UNC13C: variants seen among roughly 807,000 people sequenced by gnomAD.
The protein encoded by UNC13C is protein unc-13 homolog C.
UNC13C carries 174 observed loss-of-function variants against 245.4 expected under a neutral mutation model. The observed-to-expected ratio is 0.71, with a 90% CI of 0.63 to 0.80. The LOEUF is 0.80. Ranked by LOEUF, UNC13C falls within the 30% of genes least tolerant of loss-of-function variation. The probability of loss-of-function intolerance (pLI) is 0.00; values close to 1 mark genes in which losing one functional copy is unlikely to be tolerated. For missense variants in UNC13C, 2,829 were observed against 2,602.9 expected (o/e 1.09, Z -1.89); for synonymous variants, 992 against 895.1 (o/e 1.11, Z -1.93).
At chr15:54,275,192 A>G (rs1326044584) in intron 10 of UNC13C, among the ~76,000 whole-genome samples, 1 of 152,196 alleles carries the variant, frequency 6.6e-6, no homozygotes, top group Non-Finnish European at 1.5e-5. Context: ...TAAGAAATAC[A>G]CTTTAAATAA....
chr15:54,077,085 C>T (rs934226832), intron 2 of UNC13C, among the ~76,000 whole-genome samples: 17 of 152,084 alleles, frequency 1.1e-4, no homozygotes, highest in African/African-American at 4.1e-4. Flanking sequence ...CTTTAGGCAA[C>T]AAGTCCAGGG....
the UNC13C span, among the ~76,000 whole-genome samples, chr15:53,888,169 A>G: frequency 6.6e-6 from 1 of 152,194 alleles, no homozygotes; most frequent in Admixed American, 6.5e-5. Flanking sequence ...CATTCCCACC[A>G]ACAGTGTAAA....
chr15:54,357,498 A>G (rs2039122535), intron 17 of UNC13C, among the ~76,000 whole-genome samples: 2 of 152,072 alleles, frequency 1.3e-5, no homozygotes, highest in Non-Finnish European at 2.9e-5. Flanking sequence ...TTCTAATATT[A>G]TTTGAAATTC....
chr15:54,577,769 GTCTCT>G (rs1444023446), intron 30 of UNC13C, among the ~76,000 whole-genome samples: 1 of 152,058 alleles, frequency 6.6e-6, no homozygotes, highest in Non-Finnish European at 1.5e-5. Context: ...CTCATAAAAA[GTCTCT>G]TCTCAAACCA....
chr15:54,086,332 A>G (rs1478526657), intron 2 of UNC13C, among the ~76,000 whole-genome samples: 1 of 152,206 alleles, frequency 6.6e-6, no homozygotes, highest in Non-Finnish European at 1.5e-5. Context: ...TGGGAATACT[A>G]TAGGACATTC....
the UNC13C span, among the ~76,000 whole-genome samples, chr15:53,843,269 G>A: frequency 3.3e-5 from 5 of 152,030 alleles, no homozygotes; most frequent in African/African-American, 1.2e-4. Flanking sequence ...GCAAAACCCT[G>A]TCTCTACCAA....
chr15:54,127,535 T>G (rs1458046842), intron 2 of UNC13C, among the ~76,000 whole-genome samples: 2 of 151,626 alleles, frequency 1.3e-5, no homozygotes, highest in Non-Finnish European at 2.9e-5. Flanking sequence ...GAGGGGAACA[T>G]CACACACTGG....
the UNC13C span, among the ~76,000 whole-genome samples, chr15:53,965,906 T>C: frequency 6.6e-6 from 1 of 152,196 alleles, no homozygotes; most frequent in Non-Finnish European, 1.5e-5. Flanking sequence ...TCATCACTTT[T>C]TATGGCTGCA....
chr15:54,415,122 T>C (rs1186274802), intron 19 of UNC13C, 55 bp downstream of exon 19: 6 of 1,298,562 alleles, frequency 4.6e-6, no homozygotes, highest in Non-Finnish European at 6.5e-6. Flanking sequence ...AATGGTGATA[T>C]TGTGTTCTTG....
intron 28 of UNC13C, among the ~76,000 whole-genome samples, chr15:54,554,287 G>A (rs1287770404): frequency 1.3e-5 from 2 of 151,884 alleles, no homozygotes; most frequent in South Asian, 2.1e-4. Flanking sequence ...AAAACAGTAA[G>A]ATAAAGGCCA....
chr15:54,290,543 C>A (rs2037269650), intron 10 of UNC13C, among the ~76,000 whole-genome samples: 1 of 151,988 alleles, frequency 6.6e-6, no homozygotes, highest in African/African-American at 2.4e-5. Context: ...TTATTTTGAA[C>A]AGAAATTTGG....
intron 10 of UNC13C, among the ~76,000 whole-genome samples, chr15:54,278,896 A>G (rs2036904344): frequency 6.6e-6 from 1 of 152,142 alleles, no homozygotes; most frequent in Admixed American, 6.5e-5. Context: ...AGAGCACAGT[A>G]TTTGTTATAC....
chr15:54,486,739 T>A (rs1261483952), intron 19 of UNC13C, among the ~76,000 whole-genome samples: 2 of 152,342 alleles, frequency 1.3e-5, no homozygotes, highest in South Asian at 2.1e-4. Flanking sequence ...GTCTCTTTTT[T>A]AAAAATACCC....
chr15:54,613,566 G>A (rs546194816), intron 30 of UNC13C, among the ~76,000 whole-genome samples: 10 of 151,934 alleles, frequency 6.6e-5, no homozygotes, highest in Middle Eastern at 3.4e-3. Context: ...TCCATAAACC[G>A]AGTATAAAGA....
chr15:54,004,823 T>G (rs1895065095), intron 1 of UNC13C, among the ~76,000 whole-genome samples: 2 of 152,236 alleles, frequency 1.3e-5, no homozygotes, highest in African/African-American at 4.8e-5. Context: ...AAATGTCTAT[T>G]CAAGTGTTTT....
At chr15:53,843,492 G>T in the UNC13C span, among the ~76,000 whole-genome samples, 1 of 151,762 alleles carries the variant, frequency 6.6e-6, no homozygotes, top group African/African-American at 2.4e-5. Flanking sequence ...CACTCTTTAG[G>T]GTGGCTCTTT....
intron 18 of UNC13C, among the ~76,000 whole-genome samples, chr15:54,411,621 GTTA>G (rs2040418120): frequency 5.0e-5 from 6 of 119,022 alleles, no homozygotes; most frequent in Admixed American, 5.0e-4. Context: ...CTGACATACT[GTTA>G]CACATTGTTG....
At chr15:54,380,346 T>C (rs1336950049) in intron 17 of UNC13C, among the ~76,000 whole-genome samples, 1 of 152,196 alleles carries the variant, frequency 6.6e-6, no homozygotes, top group Non-Finnish European at 1.5e-5. Context: ...TGTTTATACA[T>C]ATGTATGGTT....
intron 17 of UNC13C, 61 bp from the exon 18 acceptor site, chr15:54,392,987 A>C (rs2039989892): frequency 7.0e-7 from 1 of 1,438,848 alleles, no homozygotes. Context: ...TGACAGTGAC[A>C]TCTAACTAAA....
Sources: gnomAD v4.1 joint callset for allele counts (sites outside exome capture counted in the v4.1 genomes callset) on GRCh38, gnomAD v4.1.1 for gene constraint, MANE v1.5 for transcripts, NCBI Gene and HGNC (gene_info 2026-07-23, HGNC 2026-07-21) for gene names.